The following IDNK variants were observed in gnomAD, a reference collection of about 807,000 sequenced individuals.
IDNK encodes gluconokinase.
In IDNK, 9 loss-of-function variants were observed where a neutral mutation model predicts 13.0. The observed-to-expected ratio is 0.69, with a 90% CI of 0.42 to 1.21. IDNK has a LOEUF of 1.21. IDNK is among the 50% of genes most tolerant of loss of function. IDNK has a pLI of 0.00. For synonymous variants in IDNK, 92 were observed against 94.9 expected (o/e 0.97, Z 0.18); for missense variants, 210 against 237.8 (o/e 0.88, Z 0.77).
At chr9:83,629,397 T>C (rs955818410) in intron 3 of IDNK, among the ~76,000 whole-genome samples, 14 of 152,154 alleles carry the variant, frequency 9.2e-5, no homozygotes, top group Non-Finnish European at 1.0e-4. Context: ...CCTGTGACCC[T>C]TTAGAGGCTT....
rs1357591283 is a variant in IDNK at position 83,643,453 on chromosome 9, G to C, written c.237G>C (p.Val79=). ...GAGATGTAGCCTCGGGACAGCGTGT[G>C]GTTCTAGCCTGTTCAGCCCTGAAGA... ...LLRDVASGQR[V]VLACSALKKT... is the part of the protein sequence containing the mutation. The change falls in exon 5 of 5, where the codon GTG becomes GTC. Residue 79 remains valine, a synonymous_variant. Coordinates refer to ENST00000376419, the MANE Select transcript of IDNK (RefSeq NM_001001551.4). The C allele has an allele frequency of 1.2e-6, 2 of 1,610,174 alleles. No individual in the cohort carries two copies. The highest frequency in any genetic ancestry group is 2.2e-5 in the East Asian group (1 of 44,788).
intron 4 of IDNK, among the ~76,000 whole-genome samples, chr9:83,642,892 T>A (rs1831350697): frequency 6.6e-6 from 1 of 152,114 alleles, no homozygotes; most frequent in Non-Finnish European, 1.5e-5. Flanking sequence ...GATGCTCCCT[T>A]CTCTCCCGCT....
rs113243174 is a variant in IDNK at position 83,643,844 on chromosome 9, C to T, written c.*64C>T. The stretch of plus-strand genomic sequence containing the variant: ...TAAATCATTGTGCCATCCCAAACCT[C>T]GTTCCAGCCGCCTTGCCCATACTAG... On this transcript the variant is annotated 3_prime_UTR_variant, in exon 5 of 5. Coordinates refer to ENST00000376419, the MANE Select transcript of IDNK (RefSeq NM_001001551.4). 6.5e-6 allele frequency: 8 copies of T among 1,231,640 alleles called. No homozygotes were observed. The African/African-American group carries it at 7.5e-5, about 12-fold the overall frequency. 76.3% of individuals were successfully genotyped at this position (1,231,640 alleles called of 1,614,324 possible).
At chr9:83,623,363 G>T in intron 1 of IDNK, 142 bp downstream of exon 1, 1 of 791,714 alleles carries the variant, frequency 1.3e-6, no homozygotes, top group Non-Finnish European at 1.9e-6. Context: ...ACCGAGGCCC[G>T]CGGCTGCCGC....
chr9:83,627,135 T>A (rs1587603591), intron 1 of IDNK: 1 of 76,046 alleles, frequency 1.3e-5, no homozygotes, highest in Non-Finnish European at 2.6e-5. Context: ...AGCAATTAAA[T>A]AAAAACATCA....
intron 1 of IDNK, chr9:83,626,758 C>T: frequency 1.7e-6 from 2 of 1,190,856 alleles, no homozygotes; most frequent in Non-Finnish European, 2.1e-6. Flanking sequence ...ACACTTCTGG[C>T]TTCACCAGCC....
chr9:83,635,030 C>T (rs570647630), intron 3 of IDNK, among the ~76,000 whole-genome samples: 23 of 152,262 alleles, frequency 1.5e-4, no homozygotes, highest in African/African-American at 5.3e-4. Context: ...TCGCAGCCCA[C>T]GGCACTAGTC....
At chr9:83,625,656 G>A (rs937075253) in intron 1 of IDNK, among the ~76,000 whole-genome samples, 2 of 152,148 alleles carry the variant, frequency 1.3e-5, no homozygotes, top group African/African-American at 2.4e-5. Context: ...ACCCCTATTG[G>A]AGCCCTACAG....
chr9:83,639,103 CTA>C (rs1240917709), intron 3 of IDNK, among the ~76,000 whole-genome samples: 1 of 152,078 alleles, frequency 6.6e-6, no homozygotes, highest in Non-Finnish European at 1.5e-5. Flanking sequence ...ACATTTTTTA[CTA>C]TAATGAACTG....
upstream of IDNK, chr9:83,623,094 C>T (rs1830742155): frequency 1.7e-6 from 2 of 1,207,038 alleles, no homozygotes; most frequent in Admixed American, 4.1e-5. Context: ...GGGGCGAGAG[C>T]GGCTCCGCCC....
intron 1 of IDNK, among the ~76,000 whole-genome samples, chr9:83,626,273 G>T (rs548194153): frequency 2.1e-4 from 32 of 152,218 alleles, no homozygotes; most frequent in African/African-American, 7.2e-4. Context: ...CAAGAGTCCA[G>T]GTGTTCTCTG....
At chr9:83,642,306 A>G (rs934736397) in intron 4 of IDNK, among the ~76,000 whole-genome samples, 1 of 152,204 alleles carries the variant, frequency 6.6e-6, no homozygotes, top group African/African-American at 2.4e-5. Flanking sequence ...ATACGAAGTT[A>G]TAATATACTT....
At chr9:83,638,516 T>C (rs1445204876) in intron 3 of IDNK, among the ~76,000 whole-genome samples, 1 of 152,162 alleles carries the variant, frequency 6.6e-6, no homozygotes, top group Non-Finnish European at 1.5e-5. Flanking sequence ...AAAGGCTATA[T>C]TCAAATAGGT....
intron 1 of IDNK, among the ~76,000 whole-genome samples, chr9:83,624,335 G>A (rs1331738045): frequency 1.3e-5 from 2 of 152,182 alleles, no homozygotes; most frequent in East Asian, 1.9e-4. Flanking sequence ...AATCAGATGA[G>A]GGAGGCCTAA....
chr9:83,629,257 G>A (rs1830946883), intron 3 of IDNK, among the ~76,000 whole-genome samples: 1 of 152,170 alleles, frequency 6.6e-6, no homozygotes. Context: ...GGCTCCCTGT[G>A]CCTCATACAT....
At chr9:83,623,297 C>T (rs1185983575) in intron 1 of IDNK, 76 bp downstream of exon 1, 1 of 1,276,086 alleles carries the variant, frequency 7.8e-7, no homozygotes, top group African/African-American at 1.6e-5. Flanking sequence ...GTCGCCGTCC[C>T]TGCCGGTGGA....
rs1204204654 is a variant in IDNK, at chr9:83,641,544, T to C, written c.169-4T>C. 3 of 1,613,924 alleles carry C rather than the reference T, an allele frequency of 1.9e-6. No homozygotes were observed. In the African/African-American group the frequency reaches 4.0e-5, roughly 22 times the overall value. On this transcript the variant is annotated splice_polypyrimidine_tract_variant and splice_region_variant and intron_variant, in intron 3 of 4. Coordinates refer to ENST00000376419, the MANE Select transcript of IDNK (RefSeq NM_001001551.4). ...GTCTGGGTTTTTGTTTTTGTTTTTT[T>C]CAGGACCGGATTCCATGGCTCTGTA...
At chr9:83,630,381 A>G (rs892733724) in intron 3 of IDNK, among the ~76,000 whole-genome samples, 6 of 152,350 alleles carry the variant, frequency 3.9e-5, no homozygotes, top group Middle Eastern at 3.4e-3. Context: ...TGTTGATACT[A>G]AACTAGAGAT....
At chr9:83,626,305 T>C (rs1830846809) in intron 1 of IDNK, 1 of 228,068 alleles carries the variant, frequency 4.4e-6, no homozygotes, top group Non-Finnish European at 8.8e-6. Context: ...CAGTGGTTTT[T>C]CTTTTCCCAT....
Sources: allele counts gnomAD v4.1 joint callset (sites outside exome capture counted in the v4.1 genomes callset), GRCh38; gene constraint gnomAD v4.1.1; transcripts MANE v1.5; gene names NCBI Gene and HGNC (gene_info 2026-07-23, HGNC 2026-07-21).